GPBP1L1: variants seen among roughly 807,000 people sequenced by gnomAD.
The protein encoded by GPBP1L1 is GC-rich promoter binding protein 1 like 1.
A neutral mutation model predicts 52.5 loss-of-function variants in GPBP1L1; 23 were observed. The observed-to-expected ratio is 0.44, with a 90% CI of 0.32 to 0.62. The LOEUF (loss-of-function observed/expected upper bound fraction) is 0.62, where lower values mean the gene tolerates loss of function less well. Ranked by LOEUF, GPBP1L1 falls within the 20% of genes least tolerant of loss-of-function variation. The probability of loss-of-function intolerance (pLI) is 0.06; values close to 1 mark genes in which losing one functional copy is unlikely to be tolerated. For missense variants in GPBP1L1, 596 were observed against 579.3 expected (o/e 1.03, Z -0.30); for synonymous variants, 243 against 203.1 (o/e 1.20, Z -1.67).
chr1:45,684,744 G>A (rs1645258181), intron 2 of GPBP1L1, among the ~76,000 whole-genome samples: 2 of 151,922 alleles, frequency 1.3e-5, no homozygotes, highest in African/African-American at 4.8e-5. Flanking sequence ...AAAGCAACTA[G>A]CTTGTAATTT....
At chr1:45,684,414 T>C (rs1312877238) in intron 2 of GPBP1L1, among the ~76,000 whole-genome samples, 1 of 152,096 alleles carries the variant, frequency 6.6e-6, no homozygotes, top group Non-Finnish European at 1.5e-5. Context: ...TTCACGATTG[T>C]GTCTTATCTT....
chr1:45,657,300 G>A (rs2148476262), intron 4 of GPBP1L1, among the ~76,000 whole-genome samples: 1 of 152,256 alleles, frequency 6.6e-6, no homozygotes, highest in Non-Finnish European at 1.5e-5. Context: ...TTGGGAGACT[G>A]AGGCAGGTAC....
At chr1:45,685,549 T>C (rs1645269946) in intron 2 of GPBP1L1, 27 bp downstream of exon 2, 1 of 152,234 alleles carries the variant, frequency 6.6e-6, no homozygotes, top group East Asian at 1.9e-4. Flanking sequence ...TGTAAACTTT[T>C]GGAATAGTCA....
In GPBP1L1 at chr1:45,629,461, C is replaced by G. The variant is rs76949040; in HGVS notation, c.1272+115G>C. 2.0e-3 allele frequency: 265 copies of G among 132,796 alleles called. 43 individuals carry two copies. In the East Asian group the frequency reaches 0.042, roughly 21 times the overall value. 8.2% of individuals were successfully genotyped at this position (132,796 alleles called of 1,614,324 possible). On this transcript the variant is annotated intron_variant, in intron 12 of 12. Coordinates refer to ENST00000355105, the MANE Select transcript of GPBP1L1 (RefSeq NM_021639.5). ...ACATTTCTACTAAGGTAATCCCCCC[C>G]CCCCCCACCCGATCTTTCTCTCACA...
intron 6 of GPBP1L1, chr1:45,645,893 C>T: frequency 2.0e-6 from 1 of 501,404 alleles, no homozygotes; most frequent in Non-Finnish European, 3.9e-6. Context: ...CCAGCTAAGG[C>T]TGTCAATATG....
intron 11 of GPBP1L1, 122 bp downstream of exon 11, chr1:45,630,359 CA>C: frequency 8.7e-7 from 1 of 1,150,528 alleles, no homozygotes; most frequent in Non-Finnish European, 1.2e-6. Context: ...ACACAGAGAA[CA>C]AGTTATGACT....
chr1:45,681,734 T>C (rs917171036), intron 2 of GPBP1L1, among the ~76,000 whole-genome samples: 1 of 152,264 alleles, frequency 6.6e-6, no homozygotes, highest in African/African-American at 2.4e-5. Context: ...ATTGTTCCTA[T>C]TTAACAGATG....
chr1:45,666,461 T>C (rs1053478768), intron 2 of GPBP1L1, among the ~76,000 whole-genome samples: 8 of 152,210 alleles, frequency 5.3e-5, no homozygotes, highest in Non-Finnish European at 1.2e-4. Flanking sequence ...GTACTTTAAT[T>C]GTGCCTATTA....
chr1:45,673,466 A>C (rs1645099420), intron 2 of GPBP1L1, among the ~76,000 whole-genome samples: 1 of 152,146 alleles, frequency 6.6e-6, no homozygotes. Flanking sequence ...CCCATACCCA[A>C]TTCCCCAAAT....
In GPBP1L1 at chr1:45,655,212, A is replaced by C. The variant is rs770370963; in HGVS notation, c.168T>G (p.Asn56Lys). 1 of 1,614,124 alleles carries C rather than the reference A, an allele frequency of 6.2e-7. No homozygotes were observed. Among genetic ancestry groups the C allele is most frequent in the South Asian group, 1.1e-5 (1 of 91,080 alleles). ...CACCTCCTGCAGTTCGTAGGGGACC[A>C]TTGTTAAAAAAACCATCAGAGGAAT... ...RHNSSDGFFN[N>K]GPLRTAGDSW... is the part of the protein sequence containing the mutation. The change falls in exon 5 of 13, where the codon AAT (asparagine) becomes AAG (lysine). Residue 56 changes from asparagine (N) to lysine (K), a missense_variant. Transcript: ENST00000355105.
chr1:45,645,740 T>C (rs996104642), intron 6 of GPBP1L1: 1 of 351,908 alleles, frequency 2.8e-6, no homozygotes, highest in Non-Finnish European at 5.3e-6. Context: ...TCAGGAAAAG[T>C]CTTGGGAACG....
chr1:45,677,481 TAC>T (rs1645161262), intron 2 of GPBP1L1, among the ~76,000 whole-genome samples: 1 of 152,104 alleles, frequency 6.6e-6, no homozygotes, highest in African/African-American at 2.4e-5. Flanking sequence ...CAGCCTGTGC[TAC>T]AGTGTGAGAC....
intron 6 of GPBP1L1, among the ~76,000 whole-genome samples, chr1:45,648,894 G>C (rs1300444930): frequency 2.0e-5 from 3 of 152,128 alleles, no homozygotes; most frequent in Non-Finnish European, 4.4e-5. Context: ...TGGGCGTAGG[G>C]GTGCGCATGC....
At chr1:45,652,202 C>T (rs2148465100) in intron 6 of GPBP1L1, among the ~76,000 whole-genome samples, 1 of 152,338 alleles carries the variant, frequency 6.6e-6, no homozygotes, top group South Asian at 2.1e-4. Flanking sequence ...CAAATATCCC[C>T]CAGCGGGCAA....
chr1:45,630,856 T>C, intron 10 of GPBP1L1: 1 of 445,864 alleles, frequency 2.2e-6, no homozygotes, highest in African/African-American at 2.0e-5. Context: ...AGTACTGATA[T>C]TACCTGACAT....
At chr1:45,667,410 T>A (rs939002517) in intron 2 of GPBP1L1, among the ~76,000 whole-genome samples, 1 of 152,176 alleles carries the variant, frequency 6.6e-6, no homozygotes, top group African/African-American at 2.4e-5. Flanking sequence ...ATCGGGCACC[T>A]CATATGTCAG....
chr1:45,636,984 G>C (rs899691865), intron 8 of GPBP1L1, among the ~76,000 whole-genome samples: 1 of 152,154 alleles, frequency 6.6e-6, no homozygotes, highest in Non-Finnish European at 1.5e-5. Context: ...AGGATTAAAA[G>C]AGTAAATGCT....
At chr1:45,674,312 A>T (rs1463196357) in intron 2 of GPBP1L1, among the ~76,000 whole-genome samples, 1 of 152,226 alleles carries the variant, frequency 6.6e-6, no homozygotes, top group Non-Finnish European at 1.5e-5. Context: ...TTAATATCAC[A>T]ATTTCATTAA....
chr1:45,654,575 C>G lies in GPBP1L1; in HGVS notation c.445G>C (p.Val149Leu). Residue 149 changes from valine (V) to leucine (L), a missense_variant, in exon 6 of 13, where the codon GTG becomes CTG. Coordinates refer to ENST00000355105, the MANE Select transcript of GPBP1L1 (RefSeq NM_021639.5). ...TCCTCTTCAAACTGCAACTTTTCCA[C>G]CTTGTCTTCTTTCTTTTCTTCCCTA... The part of the protein sequence containing the change: ...EIREEKKEDK[V>L]EKLQFEEEDF... 6.2e-7 allele frequency: 1 copy of G among 1,612,498 alleles called. No homozygotes were observed.
Sources: allele counts gnomAD v4.1 joint callset (sites outside exome capture counted in the v4.1 genomes callset), GRCh38; gene constraint gnomAD v4.1.1; transcripts MANE v1.5; gene names NCBI Gene and HGNC (gene_info 2026-07-23, HGNC 2026-07-21).